HSD17B12: variants seen among roughly 807,000 people sequenced by gnomAD.
HSD17B12 encodes very-long-chain 3-oxoacyl-CoA reductase.
HSD17B12 carries 32 observed loss-of-function variants against 39.3 expected under a neutral mutation model. The observed-to-expected ratio is 0.81, with a 90% CI of 0.61 to 1.09. HSD17B12 has a LOEUF of 1.09. Among genes scored for constraint, HSD17B12 ranks in the 50% least tolerant of loss-of-function variants. The pLI is 0.00. For synonymous variants in HSD17B12, 150 were observed against 146.7 expected (o/e 1.02, Z -0.16); for missense variants, 342 against 382.9 (o/e 0.89, Z 0.89).
intron 1 of HSD17B12, chr11:43,718,820 C>A: frequency 1.1e-6 from 1 of 893,252 alleles, no homozygotes; most frequent in Non-Finnish European, 1.9e-6. Context: ...CTTCTGGTGG[C>A]CCAAGACACC....
intron 6 of HSD17B12, among the ~76,000 whole-genome samples, chr11:43,825,341 T>C (rs1354356872): frequency 6.6e-6 from 1 of 152,190 alleles, no homozygotes; most frequent in Non-Finnish European, 1.5e-5. Context: ...GATAAAAGTT[T>C]AGATGAATGG....
chr11:43,802,859 C>T (rs558017153), intron 4 of HSD17B12, among the ~76,000 whole-genome samples: 1 of 152,322 alleles, frequency 6.6e-6, no homozygotes, highest in East Asian at 1.9e-4. Flanking sequence ...AGTTCAGATA[C>T]TCACACAACT....
chr11:43,609,859 CGA>C, the HSD17B12 span, among the ~76,000 whole-genome samples: 4 of 152,138 alleles, frequency 2.6e-5, no homozygotes, highest in Non-Finnish European at 4.4e-5. Context: ...CTTCTATCAT[CGA>C]GAGTTTGATG....
chr11:43,709,927 A>G (rs1197551464), intron 1 of HSD17B12, among the ~76,000 whole-genome samples: 1 of 152,156 alleles, frequency 6.6e-6, no homozygotes, highest in Admixed American at 6.5e-5. Flanking sequence ...TGTTCAGAAC[A>G]TGGGCTGGTA....
chr11:43,756,435 A>T (rs1950508420), intron 3 of HSD17B12, among the ~76,000 whole-genome samples: 1 of 152,134 alleles, frequency 6.6e-6, no homozygotes, highest in Admixed American at 6.6e-5. Flanking sequence ...AATGAGCCTG[A>T]GGTAGTTACT....
intron 1 of HSD17B12, among the ~76,000 whole-genome samples, chr11:43,703,683 A>C (rs1173605516): frequency 2.0e-5 from 3 of 152,150 alleles, no homozygotes; most frequent in African/African-American, 7.2e-5. Flanking sequence ...CATTTCTTCT[A>C]GATCTTCCAA....
intron 3 of HSD17B12, chr11:43,755,028 C>G: frequency 1.8e-6 from 1 of 569,116 alleles, no homozygotes; most frequent in East Asian, 2.9e-5. Flanking sequence ...CAGGAAGCTT[C>G]TGTGTATAAT....
chr11:43,560,746 A>G, the HSD17B12 span, among the ~76,000 whole-genome samples: 4 of 152,182 alleles, frequency 2.6e-5, no homozygotes, highest in Non-Finnish European at 5.9e-5. Context: ...TTTCAAGACA[A>G]TAACAGTAGA....
intron 3 of HSD17B12, among the ~76,000 whole-genome samples, chr11:43,776,058 A>G (rs1322519596): frequency 2.0e-5 from 3 of 152,204 alleles, no homozygotes; most frequent in Non-Finnish European, 2.9e-5. Flanking sequence ...TAATGACACA[A>G]TAAACATACG....
rs1348527562 is a variant in HSD17B12, at chr11:43,831,540, A to T, written c.536+530A>T. On this transcript the variant is annotated intron_variant, in intron 7 of 10. Transcript: ENST00000278353. The surrounding 1 kb of genome is among the most constrained non-coding windows in gnomAD (Gnocchi z 4.1). ...CAGTTTGAATTGGTTCTGCTAGTAC[A>T]TGCCGAATGTCTTCATTTTGATTGA... 6.6e-6 allele frequency: 1 copy of T among 152,256 alleles called. No homozygotes were observed. The highest frequency in any genetic ancestry group is 1.5e-5 in the Non-Finnish European group (1 of 68,066). 9.4% of individuals were successfully genotyped at this position (152,256 alleles called of 1,614,324 possible). A position where few individuals can be genotyped will look rare whatever the true frequency, so the allele number is the denominator to read the frequency against.
At chr11:43,736,911 G>A (rs1950321188) in intron 1 of HSD17B12, among the ~76,000 whole-genome samples, 1 of 152,122 alleles carries the variant, frequency 6.6e-6, no homozygotes, top group South Asian at 2.1e-4. Flanking sequence ...GCTATTTTTA[G>A]CAACAAAAGG....
chr11:43,793,570 T>G (rs1001442089), intron 3 of HSD17B12, among the ~76,000 whole-genome samples: 15 of 152,108 alleles, frequency 9.9e-5, no homozygotes, highest in African/African-American at 3.1e-4. Context: ...AAAATGAAAA[T>G]GATGATGGCC....
intron 1 of HSD17B12, among the ~76,000 whole-genome samples, chr11:43,689,076 G>A (rs969051617): frequency 6.6e-6 from 1 of 152,180 alleles, no homozygotes. Context: ...TAGTGCTACT[G>A]CAGAAGAATT....
the HSD17B12 span, among the ~76,000 whole-genome samples, chr11:43,561,812 A>T: frequency 1.3e-5 from 2 of 152,242 alleles, no homozygotes; most frequent in Non-Finnish European, 2.9e-5. Flanking sequence ...CTGCAGCGAC[A>T]GTCCAGTTAG....
At chr11:43,807,142 A>G (rs1474951332) in intron 4 of HSD17B12, among the ~76,000 whole-genome samples, 2 of 152,170 alleles carry the variant, frequency 1.3e-5, no homozygotes, top group African/African-American at 4.8e-5. Context: ...ATACTAATTC[A>G]TTAAACAAGT....
chr11:43,566,611 C>T, the HSD17B12 span, among the ~76,000 whole-genome samples: 7 of 151,940 alleles, frequency 4.6e-5, no homozygotes, highest in Non-Finnish European at 8.8e-5. Flanking sequence ...CTCACTGCAA[C>T]CTCCTCCTCC....
chr11:43,846,149 C>T (rs117750604), intron 9 of HSD17B12, among the ~76,000 whole-genome samples: 450 of 152,272 alleles, frequency 3.0e-3, no homozygotes, highest in Non-Finnish European at 4.7e-3. Context: ...CAGAAAGTTG[C>T]TTCATTACTT....
At chr11:43,669,284 T>G in the HSD17B12 span, among the ~76,000 whole-genome samples, 2 of 151,952 alleles carry the variant, frequency 1.3e-5, no homozygotes, top group Admixed American at 1.3e-4. Flanking sequence ...GTGAATCACT[T>G]GAGGTCAGGA....
the HSD17B12 span, among the ~76,000 whole-genome samples, chr11:43,563,495 G>T: frequency 6.6e-6 from 1 of 152,156 alleles, no homozygotes; most frequent in Non-Finnish European, 1.5e-5. Context: ...AGTACCAGTC[G>T]TGAAAGAACA....
Sources: allele counts gnomAD v4.1 joint callset (sites outside exome capture counted in the v4.1 genomes callset), GRCh38; gene constraint gnomAD v4.1.1; non-coding constraint Gnocchi (gnomAD v3.1); transcripts MANE v1.5; gene names NCBI Gene and HGNC (gene_info 2026-07-23, HGNC 2026-07-21).